Variants in MINDY4B observed in about 807,000 individuals in gnomAD.
MINDY4B encodes inactive ubiquitin carboxyl-terminal hydrolase MINDY-4B.
MINDY4B carries 25 observed loss-of-function variants against 16.7 expected under a neutral mutation model. The ratio of observed to expected loss-of-function variants is 1.49; its 90% CI spans 1.09 to 2.09. The LOEUF is 2.09. Ranked by LOEUF, MINDY4B falls within the 30% of genes most tolerant of loss-of-function variation. The pLI is 0.00. For synonymous variants in MINDY4B, 132 were observed against 61.9 expected, an observed-to-expected ratio of 2.13 and a Z score of -5.32; for missense variants, 327 against 168.4, an observed-to-expected ratio of 1.94 and a Z score of -5.21.
In MINDY4B at chr3:150,901,943, G is replaced by A. The variant is rs1030445585; in HGVS notation, c.309+1306C>T. ...CTGGGAGGTTTTGTATGATAAAAACGAATCCAGGGGCTGTGTGGTCCCTGC... is the reference window on the plus strand; with the variant it reads ...CTGGGAGGTTTTGTATGATAAAAACAAATCCAGGGGCTGTGTGGTCCCTGC... On this transcript the variant is annotated intron_variant, in intron 3 of 11. Coordinates refer to ENST00000465419, the MANE Select transcript of MINDY4B (RefSeq NM_001351281.2). Among the ~76,000 whole-genome samples, 6 of 152,152 alleles carry A rather than the reference G, an allele frequency of 3.9e-5. 1 individual carries two copies. The highest frequency in any genetic ancestry group is 2.1e-4 in the South Asian group (1 of 4,794).
At chr3:150,877,371 G>A (rs1322120737) in intron 10 of MINDY4B, among the ~76,000 whole-genome samples, 1 of 152,124 alleles carries the variant, frequency 6.6e-6, no homozygotes, top group Admixed American at 6.5e-5. Context: ...GCATTTTCAC[G>A]GGTCTCATAC....
At chr3:150,885,470 T>G (rs1019975163) in intron 7 of MINDY4B, 32 bp from the exon 8 acceptor site, 5 of 687,758 alleles carry the variant, frequency 7.3e-6, no homozygotes, top group African/African-American at 6.6e-5. Flanking sequence ...AGCATGTTGG[T>G]CTAAAAGCAA....
intron 11 of MINDY4B, among the ~76,000 whole-genome samples, chr3:150,871,782 T>C (rs1385461659): frequency 6.6e-6 from 1 of 152,136 alleles, no homozygotes; most frequent in Non-Finnish European, 1.5e-5. Flanking sequence ...GAGGTGGAAT[T>C]TGCAGTAAGC....
Position 150,870,621 on chromosome 3 carries a change from T to G in MINDY4B, c.*424A>C, listed in dbSNP as rs1050987108. ...ATACCAGGAAGTCCTTGAGAAGGCT[T>G]GAGTTCTTGCCATAACTAAAAATCC... On this transcript the variant is annotated 3_prime_UTR_variant, in exon 12 of 12. Coordinates refer to ENST00000465419, the MANE Select transcript of MINDY4B (RefSeq NM_001351281.2). Among the ~76,000 whole-genome samples the G allele has an allele frequency of 1.3e-5, 2 of 152,212 alleles. No homozygotes were observed. The highest frequency in any genetic ancestry group is 4.8e-5 in the African/African-American group (2 of 41,450).
intron 3 of MINDY4B, among the ~76,000 whole-genome samples, chr3:150,902,597 A>G (rs1265895838): frequency 6.6e-6 from 1 of 152,176 alleles, no homozygotes; most frequent in Non-Finnish European, 1.5e-5. Context: ...GCTTTGGCCT[A>G]TTTGACCCAA....
At chr3:150,876,644 A>G (rs1481972443) in intron 10 of MINDY4B, among the ~76,000 whole-genome samples, 2 of 152,082 alleles carry the variant, frequency 1.3e-5, no homozygotes, top group Admixed American at 6.5e-5. Flanking sequence ...GGGTACTTCT[A>G]TGGTTGGATT....
At chr3:150,891,240 A>G in intron 5 of MINDY4B, 137 bp from the exon 6 acceptor site, 7 of 608,292 alleles carry the variant, frequency 1.2e-5, no homozygotes, top group Non-Finnish European at 2.1e-5. Context: ...CCTGGCTCCA[A>G]AGTTCCTGCC....
intron 5 of MINDY4B, among the ~76,000 whole-genome samples, chr3:150,892,316 CCTTCCCTGTCCTG>C (rs1238042400): frequency 6.6e-6 from 1 of 152,220 alleles, no homozygotes; most frequent in Non-Finnish European, 1.5e-5. Flanking sequence ...CTCAGCTTCT[CCTTCCCTGTCCTG>C]CTTCCCTCAC....
chr3:150,891,277 A>G, intron 5 of MINDY4B, 174 bp from the exon 6 acceptor site: 1 of 581,502 alleles, frequency 1.7e-6, no homozygotes, highest in Admixed American at 2.9e-5. Flanking sequence ...CATTGAATAC[A>G]CTCAGGGTCT....
In MINDY4B at chr3:150,873,322, T is replaced by C; in HGVS notation, c.1105A>G (p.Asn369Asp). The change falls in exon 11 of 12, where the codon AAC becomes GAC. Residue 369 changes from asparagine to aspartate, a missense_variant. Transcript: ENST00000465419. ...KTPKLPIWLC[N>D]INGNYSILFC... is the part of the protein sequence containing the mutation. ...AGGATGCTGTAATTTCCATTGATGT[T>C]GCACAGCCAAATAGGTAATTTGGGA... The C allele has an allele frequency of 1.4e-6, 1 of 702,838 alleles. No homozygotes were observed. Among genetic ancestry groups the C allele is most frequent in the South Asian group, 1.5e-5 (1 of 67,590 alleles). 43.5% of individuals were successfully genotyped at this position (702,838 alleles called of 1,614,324 possible).
At chr3:150,894,866 C>T (rs965783014) in intron 3 of MINDY4B, among the ~76,000 whole-genome samples, 6 of 152,160 alleles carry the variant, frequency 3.9e-5, no homozygotes, top group Non-Finnish European at 7.3e-5. Context: ...AGCATGTACT[C>T]GATCTTGTGT....
At position 150,903,581 on chromosome 3, in the gene MINDY4B, A is replaced by G. The variant is rs189517044; in HGVS notation, c.142-165T>C. Among the ~76,000 whole-genome samples, 51 of 152,366 alleles carry G rather than the reference A, an allele frequency of 3.3e-4. No individual in the cohort carries two copies. The East Asian group carries it at 8.1e-3, about 24-fold the overall frequency. ...AAATAGCAATAAAAGAGGCAGAAAA[A>G]TCCCAGTGTCTGTGTCAAAGGGGTT... On this transcript the variant is annotated intron_variant, in intron 2 of 11. Transcript: ENST00000465419.
intron 3 of MINDY4B, among the ~76,000 whole-genome samples, chr3:150,899,634 G>A (rs1024499177): frequency 2.6e-4 from 39 of 152,158 alleles, no homozygotes; most frequent in Admixed American, 2.2e-3. Flanking sequence ...GAAGCCAGAG[G>A]AGGGGGGCAC....
intron 6 of MINDY4B, 30 bp from the exon 7 acceptor site, chr3:150,890,415 A>G: frequency 3.3e-6 from 2 of 598,482 alleles, no homozygotes; most frequent in Non-Finnish European, 5.9e-6. Context: ...GATAAAAATG[A>G]AAAGGAAGAT....
intron 11 of MINDY4B, among the ~76,000 whole-genome samples, chr3:150,872,345 A>G (rs1047336260): frequency 6.6e-6 from 1 of 152,254 alleles, no homozygotes; most frequent in Admixed American, 6.5e-5. Context: ...TAGTCACTAG[A>G]TGCTTTTCCA....
intron 2 of MINDY4B, among the ~76,000 whole-genome samples, chr3:150,903,881 TC>T (rs142945173): frequency 0.014 from 2,115 of 150,996 alleles, 46 homozygotes; most frequent in African/African-American, 0.048. Context: ...GTATAATCGT[TC>T]TTTTTCCTTA....
At chr3:150,871,676 C>T (rs189127739) in intron 11 of MINDY4B, among the ~76,000 whole-genome samples, 1 of 152,248 alleles carries the variant, frequency 6.6e-6, no homozygotes, top group African/African-American at 2.4e-5. Context: ...TGGTGAAACC[C>T]TGTCTCTACT....
intron 3 of MINDY4B, among the ~76,000 whole-genome samples, chr3:150,901,917 C>T (rs1027034034): frequency 1.3e-5 from 2 of 151,872 alleles, no homozygotes; most frequent in Admixed American, 1.3e-4. Flanking sequence ...TTTGGTGAAG[C>T]CTGGGAGGTT....
At chr3:150,889,779 T>TA (rs1202632142) in intron 7 of MINDY4B, among the ~76,000 whole-genome samples, 1 of 152,210 alleles carries the variant, frequency 6.6e-6, no homozygotes, top group Non-Finnish European at 1.5e-5. Flanking sequence ...AGAAGAGTCT[T>TA]AAAAATGTCT....
Sources: allele counts gnomAD v4.1 joint callset (sites outside exome capture counted in the v4.1 genomes callset), GRCh38; gene constraint gnomAD v4.1.1; transcripts MANE v1.5; gene names NCBI Gene and HGNC (gene_info 2026-07-23, HGNC 2026-07-21).